The following PACRG variants were observed in gnomAD, a reference collection of about 807,000 sequenced individuals.
PACRG encodes the protein parkin coregulated.
PACRG carries 29 observed loss-of-function variants against 29.7 expected under a neutral mutation model. That is an observed-to-expected ratio of 0.98 (90% CI 0.73 to 1.33). The LOEUF (loss-of-function observed/expected upper bound fraction) is 1.33, where lower values mean the gene tolerates loss of function less well. Ranked by LOEUF, PACRG falls within the 40% of genes most tolerant of loss-of-function variation. PACRG has a pLI of 0.00. For missense variants in PACRG, 279 were observed against 316.2 expected, an observed-to-expected ratio of 0.88 and a Z score of 0.89; for synonymous variants, 116 against 118.7, an observed-to-expected ratio of 0.98 and a Z score of 0.15.
intron 1 of PACRG, among the ~76,000 whole-genome samples, chr6:162,776,296 T>G (rs1783636419): frequency 6.6e-6 from 1 of 152,242 alleles, no homozygotes; most frequent in Admixed American, 6.5e-5. Context: ...TTCTTTCAGC[T>G]TCACAACTTA....
At chr6:162,899,424 C>T (rs1330487225) in intron 2 of PACRG, among the ~76,000 whole-genome samples, 3 of 152,136 alleles carry the variant, frequency 2.0e-5, no homozygotes, top group Non-Finnish European at 4.4e-5. Flanking sequence ...GCTACCGCTT[C>T]GGCACCACCT....
chr6:162,973,028 T>A (rs755283286), intron 2 of PACRG, among the ~76,000 whole-genome samples: 15 of 152,246 alleles, frequency 9.9e-5, no homozygotes, highest in Admixed American at 2.0e-4. Flanking sequence ...GAGTTCTCTA[T>A]CATGGAGAAA....
intron 4 of PACRG, among the ~76,000 whole-genome samples, chr6:163,136,273 A>G (rs1816934129): frequency 6.6e-6 from 1 of 152,082 alleles, no homozygotes; most frequent in African/African-American, 2.4e-5. Context: ...CCCTTTGTGC[A>G]TGTGTTTTCT....
At chr6:162,918,544 G>GT (rs1445072229) in intron 2 of PACRG, among the ~76,000 whole-genome samples, 18 of 152,288 alleles carry the variant, frequency 1.2e-4, no homozygotes, top group African/African-American at 4.3e-4. Context: ...ACTGAAAAAT[G>GT]TAACAACAGT....
chr6:162,892,939 C>A (rs1401220960), intron 2 of PACRG, among the ~76,000 whole-genome samples: 1 of 131,224 alleles, frequency 7.6e-6, no homozygotes, highest in East Asian at 2.1e-4. Context: ...TCGGCCCACA[C>A]CCCAGAGAAG....
chr6:162,731,531 A>T (rs1420301874), intron 1 of PACRG, among the ~76,000 whole-genome samples: 1 of 152,140 alleles, frequency 6.6e-6, no homozygotes, highest in Non-Finnish European at 1.5e-5. Context: ...TTACATACAA[A>T]TACTACGCCA....
At chr6:163,073,313 G>T (rs374731177) in intron 3 of PACRG, among the ~76,000 whole-genome samples, 2 of 152,048 alleles carry the variant, frequency 1.3e-5, no homozygotes, top group Non-Finnish European at 2.9e-5. Flanking sequence ...TTTGACAAAG[G>T]TGCCAAGAAC....
At chr6:162,752,548 A>T (rs116544283) in intron 1 of PACRG, among the ~76,000 whole-genome samples, 1 of 152,178 alleles carries the variant, frequency 6.6e-6, no homozygotes, top group African/African-American at 2.4e-5. Flanking sequence ...AATATTCCCA[A>T]AGCCCCACAA....
chr6:162,929,173 G>A (rs1797666808), intron 2 of PACRG, among the ~76,000 whole-genome samples: 1 of 151,974 alleles, frequency 6.6e-6, no homozygotes, highest in South Asian at 2.1e-4. Flanking sequence ...TCTATTTTTA[G>A]TATTTTGAGG....
chr6:162,997,359 G>T (rs1417180314), intron 2 of PACRG: 2 of 446,396 alleles, frequency 4.5e-6, no homozygotes, highest in African/African-American at 4.0e-5. Flanking sequence ...GCTTATATTA[G>T]TCCTTTTTGT....
At chr6:162,819,561 A>G (rs1404446195) in intron 2 of PACRG, among the ~76,000 whole-genome samples, 1 of 152,180 alleles carries the variant, frequency 6.6e-6, no homozygotes, top group South Asian at 2.1e-4. Flanking sequence ...GTTAGTAAAA[A>G]CAGGCATATC....
At chr6:163,216,890 G>A (rs551511024) in intron 4 of PACRG, among the ~76,000 whole-genome samples, 19 of 152,272 alleles carry the variant, frequency 1.2e-4, no homozygotes, top group African/African-American at 4.1e-4. Context: ...AATATTCAAT[G>A]TGCTTGCTTT....
chr6:163,285,965 G>A (rs1489954893), intron 4 of PACRG, among the ~76,000 whole-genome samples: 2 of 152,184 alleles, frequency 1.3e-5, no homozygotes, highest in Non-Finnish European at 2.9e-5. Flanking sequence ...CTTGAACTTG[G>A]AGGAAAATGC....
intron 3 of PACRG, among the ~76,000 whole-genome samples, chr6:163,084,738 G>A (rs889981179): frequency 6.6e-6 from 1 of 151,682 alleles, no homozygotes; most frequent in Admixed American, 6.6e-5. Context: ...TATCCATTGT[G>A]AGAGAGATTA....
rs1031755124 is a variant in PACRG at position 163,242,252 on chromosome 6, A to G, written c.614-72575A>G. ...CGTCTCCTCACAGCATTTCAGAGAA[A>G]TGATTATCATCTGATGAATTGCACT... On this transcript the variant is annotated intron_variant, in intron 4 of 4. Transcript: ENST00000366888. Among the ~76,000 whole-genome samples the G allele has an allele frequency of 7.2e-5, 11 of 152,256 alleles. No individual in the cohort carries two copies. In the East Asian group the frequency reaches 2.1e-3, roughly 29 times the overall value.
intron 4 of PACRG, among the ~76,000 whole-genome samples, chr6:163,302,244 GTTTGTTTTTT>G (rs1785031596): frequency 2.1e-5 from 3 of 140,972 alleles, no homozygotes; most frequent in African/African-American, 8.1e-5. Context: ...TCTTTTTTTT[GTTTGTTTTTT>G]TTTGTTTTTT....
chr6:162,774,733 A>C (rs1160685942), intron 1 of PACRG, among the ~76,000 whole-genome samples: 1 of 152,162 alleles, frequency 6.6e-6, no homozygotes, highest in Non-Finnish European at 1.5e-5. Flanking sequence ...TGTGATTAGA[A>C]ACACATAAAA....
At chr6:162,815,305 G>A (rs1402318249) in intron 2 of PACRG, among the ~76,000 whole-genome samples, 1 of 151,562 alleles carries the variant, frequency 6.6e-6, no homozygotes, top group Non-Finnish European at 1.5e-5. Flanking sequence ...AAAAATAAAA[G>A]TACAAATCAG....
At chr6:162,895,761 T>C (rs1052483587) in intron 2 of PACRG, among the ~76,000 whole-genome samples, 12 of 152,250 alleles carry the variant, frequency 7.9e-5, no homozygotes, top group African/African-American at 2.7e-4. Flanking sequence ...ACAGTCTTAA[T>C]TGGAGTTATC....
Sources: allele counts gnomAD v4.1 joint callset (sites outside exome capture counted in the v4.1 genomes callset), GRCh38; gene constraint gnomAD v4.1.1; transcripts MANE v1.5; gene names NCBI Gene and HGNC (gene_info 2026-07-23, HGNC 2026-07-21).